TERT: variants seen among roughly 807,000 people sequenced by gnomAD.
TERT encodes telomerase reverse transcriptase, also known as telomerase catalytic subunit.
A neutral mutation model predicts 104.0 loss-of-function variants in TERT; 42 were observed. The observed-to-expected ratio is 0.40, with a 90% CI of 0.32 to 0.52. TERT has a LOEUF of 0.52. TERT is among the 20% of genes least tolerant of loss of function. The pLI, the probability that TERT is intolerant of heterozygous loss-of-function variation, is 0.43. For synonymous variants in TERT, 781 were observed against 725.6 expected, an observed-to-expected ratio of 1.08 and a Z score of -1.23; for missense variants, 1,101 against 1,610.3, an observed-to-expected ratio of 0.68 and a Z score of 5.41.
rs1449831852 is a variant in TERT at position 1,270,686 on chromosome 5, G to C, written c.2468+433C>G. Among the ~76,000 whole-genome samples the C allele has an allele frequency of 6.6e-6, 1 of 152,248 alleles. No individual in the cohort carries two copies. Among genetic ancestry groups the C allele is most frequent in the East Asian group, 1.9e-4 (1 of 5,196 alleles). On this transcript the variant is annotated intron_variant, in intron 8 of 15. Coordinates refer to ENST00000310581, the MANE Select transcript of TERT (RefSeq NM_198253.3). This position sits in a 1 kb window ranked among gnomAD's most constrained non-coding sequence, Gnocchi z 8.3. Reference sequence around the variant, plus strand: ...GCCCGCGCCCTCGCGGGGGTCACACGACAGGGACAGGAATGAGAATCGGAT... The same window carrying C: ...GCCCGCGCCCTCGCGGGGGTCACACCACAGGGACAGGAATGAGAATCGGAT...
intron 14 of TERT, 134 bp from the exon 15 acceptor site, chr5:1,254,639 A>C: frequency 1.0e-6 from 1 of 965,818 alleles, no homozygotes; most frequent in South Asian, 1.7e-5. Context: ...GCACCGCAGG[A>C]GTCACGACAG....
In TERT at chr5:1,255,502, G is replaced by A. The variant is rs998291997; in HGVS notation, c.3033-91C>T. On this transcript the variant is annotated intron_variant, in intron 13 of 15. Coordinates refer to ENST00000310581, the MANE Select transcript of TERT (RefSeq NM_198253.3). This position sits in a 1 kb window ranked among gnomAD's most constrained non-coding sequence, Gnocchi z 6.9. Reference sequence around the variant, plus strand: ...CATGGGCCCACCGGTGCCTGTGTGCGTGCATGAATGCACATGCATGGGTTT... The same window carrying A: ...CATGGGCCCACCGGTGCCTGTGTGCATGCATGAATGCACATGCATGGGTTT... The A allele has an allele frequency of 8.0e-5, 120 of 1,491,010 alleles. No homozygotes were observed. Among genetic ancestry groups the A allele is most frequent in the South Asian group, 2.1e-4 (18 of 87,744 alleles). 92.4% of individuals were successfully genotyped at this position (1,491,010 alleles called of 1,614,324 possible). A position where few individuals can be genotyped will look rare whatever the true frequency, so the allele number is the denominator to read the frequency against.
chr5:1,283,440 G>A (rs1481031563), intron 2 of TERT, among the ~76,000 whole-genome samples: 2 of 135,168 alleles, frequency 1.5e-5, no homozygotes, highest in African/African-American at 2.8e-5. Context: ...TCCAGACACC[G>A]CACATCCAGC....
chr5:1,259,535 G>A, intron 12 of TERT, among the ~76,000 whole-genome samples: 1 of 127,618 alleles, frequency 7.8e-6, no homozygotes, highest in Non-Finnish European at 1.6e-5. Context: ...GAGAGAGGGA[G>A]CAGACGCAGA....
chr5:1,285,565 A>ATTTTTTTTTT lies in TERT; in HGVS notation c.1574-2951_1574-2942dup, dbSNP rs1170336173. Among the ~76,000 whole-genome samples, 123 of 82,206 alleles carry ATTTTTTTTTT rather than the reference A, an allele frequency of 1.5e-3. 9 individuals carry two copies. Among genetic ancestry groups the ATTTTTTTTTT allele is most frequent in the Non-Finnish European group, 2.0e-3 (91 of 46,030 alleles). The allele number at this position is 82,206 out of a possible 152,430, so 53.9% of individuals were successfully genotyped here. On this transcript the variant is annotated intron_variant, in intron 2 of 15. Coordinates refer to ENST00000310581, the MANE Select transcript of TERT (RefSeq NM_198253.3). ...TTACTTTTTTAATGTGGCTACTAGA[A>ATTTTTTTTTT]TTTTTTTTTTTTTTTTTTTTTTTGA... is the stretch of plus-strand genomic sequence containing the variant.
chr5:1,280,300 T>G lies in TERT; in HGVS notation c.1808A>C (p.Glu603Ala). The change falls in exon 4 of 16, where the codon GAA (glutamate) becomes GCA (alanine). Residue 603 changes from glutamate to alanine, a missense_variant. Physicochemically the swap from Glu to Ala is moderately radical, Grantham distance 107 (BLOSUM62 -1). This residue lies in a region of TERT where 463 missense variants were observed against 797.5 expected (regional missense o/e 0.58). Transcript: ENST00000310581. ...LKRVQLRELS[E>A]AEVRQHREAR... ...TTCCCGATGCTGCCTGACCTCTGCT[T>G]CCGACAGCTCCCGCAGCTGCACCCT... 1 of 1,613,526 alleles carries G rather than the reference T, an allele frequency of 6.2e-7. No individual in the cohort carries two copies. The highest frequency in any genetic ancestry group is 8.5e-7 in the Non-Finnish European group (1 of 1,180,002).
In TERT at chr5:1,256,475, C is replaced by T. The variant is rs920654453; in HGVS notation, c.3033-1064G>A. 1.4e-5 allele frequency among the ~76,000 whole-genome samples: 2 copies of T among 144,036 alleles called. No homozygotes were observed. Among genetic ancestry groups the T allele is most frequent in the Non-Finnish European group, 1.5e-5 (1 of 66,742 alleles). 94.5% of individuals were successfully genotyped at this position (144,036 alleles called of 152,430 possible). On this transcript the variant is annotated intron_variant, in intron 13 of 15. Coordinates refer to ENST00000310581, the MANE Select transcript of TERT (RefSeq NM_198253.3). The surrounding 1 kb of genome is among the most constrained non-coding windows in gnomAD (Gnocchi z 7.0). ...ACCCTCTGCCTGAGCCCCCCGTGTA[C>T]CTCATCTCACCCAGTGCCTGAGCCC...
At position 1,294,626 on chromosome 5, in the gene TERT, C is replaced by T. The variant is rs776383511; in HGVS notation, c.260G>A (p.Arg87Lys). The T allele has an allele frequency of 3.1e-6, 5 of 1,596,186 alleles. No individual in the cohort carries two copies. The highest frequency in any genetic ancestry group is 2.7e-5 in the African/African-American group (2 of 74,830). ...LKELVARVLQRLCERGAKNVL... is the reference protein window; with the variant it reads ...LKELVARVLQKLCERGAKNVL... ...GTTCTTCGCGCCGCGCTCGCACAGC[C>T]TCTGCAGCACTCGGGCCACCAGCTC... is the stretch of plus-strand genomic sequence containing the variant. Residue 87 changes from arginine (R) to lysine (K), a missense_variant, in exon 2 of 16, where the codon AGG becomes AAG. Arg to Lys is a conservative substitution (Grantham distance 26). Around this residue, in one of 5 missense-constraint regions of TERT, gnomAD observed 87 missense variants for 145.4 expected, o/e 0.60. Coordinates refer to ENST00000310581, the MANE Select transcript of TERT (RefSeq NM_198253.3).
chr5:1,293,563 C>A lies in TERT; in HGVS notation c.1323G>T (p.Glu441Asp), dbSNP rs1213914911. 4 of 1,537,520 alleles carry A rather than the reference C, an allele frequency of 2.6e-6. No homozygotes were observed. The African/African-American group carries it at 5.5e-5, about 21-fold the overall frequency. Residue 441 changes from glutamate (E) to aspartate (D), a missense_variant, in exon 2 of 16, where the codon GAG becomes GAT. Physicochemically the swap from Glu to Asp is conservative, Grantham distance 45. Transcript: ENST00000310581. ...PQGSVAAPEEEDTDPRRLVQL... is the reference protein window; with the variant it reads ...PQGSVAAPEEDDTDPRRLVQL... ...GCACCAGGCGACGGGGGTCTGTGTC[C>A]TCCTCCTCGGGGGCCGCCACAGAGC...
chr5:1,285,943 G>C (rs1478433797), intron 2 of TERT, among the ~76,000 whole-genome samples: 5 of 152,018 alleles, frequency 3.3e-5, no homozygotes, highest in African/African-American at 1.2e-4. Flanking sequence ...CTCATCCTTT[G>C]TCCTGGTTCC....
In TERT at chr5:1,288,505, C is replaced by T. The variant is rs1207464346; in HGVS notation, c.1573+4808G>A. Among the ~76,000 whole-genome samples the T allele has an allele frequency of 6.6e-6, 1 of 152,078 alleles. No homozygotes were observed. The highest frequency in any genetic ancestry group is 6.6e-5 in the Admixed American group (1 of 15,266). On this transcript the variant is annotated intron_variant, in intron 2 of 15. Transcript: ENST00000310581. The surrounding 1 kb of genome is among the most constrained non-coding windows in gnomAD (Gnocchi z 5.3). ...AGAGACACTCCAACCTGTGGCTGGA[C>T]GTCAATCCATGTGAGGGGGCGACTG...
rs2126692522 is a variant in TERT, at chr5:1,294,924, C to T, written c.66G>A (p.Leu22=). 1 of 1,424,828 alleles carries T rather than the reference C, an allele frequency of 7.0e-7. No homozygotes were observed. The highest frequency in any genetic ancestry group is 9.1e-7 in the Non-Finnish European group (1 of 1,093,150). The allele number at this position is 1,424,828 out of a possible 1,614,324, so 88.3% of individuals were successfully genotyped here. A position where few individuals can be genotyped will look rare whatever the true frequency, so the allele number is the denominator to read the frequency against. Residue 22 remains leucine, a synonymous_variant, in exon 1 of 16, where the codon CTG becomes CTA. Coordinates refer to ENST00000310581, the MANE Select transcript of TERT (RefSeq NM_198253.3). ...SLLRSHYREV[L]PLATFVRRLG... ...GGCGCCGCACGAACGTGGCCAGCGG[C>T]AGCACCTCGCGGTAGTGGCTGCGCA...
intron 3 of TERT, among the ~76,000 whole-genome samples, chr5:1,281,525 T>C (rs1022462707): frequency 3.3e-5 from 5 of 152,148 alleles, no homozygotes; most frequent in Admixed American, 2.0e-4. Flanking sequence ...CAGGCTGGCA[T>C]CTCCCAGACC....
chr5:1,270,544 G>A lies in TERT; in HGVS notation c.2468+575C>T, dbSNP rs951036586. Among the ~76,000 whole-genome samples, 9 of 152,234 alleles carry A rather than the reference G, an allele frequency of 5.9e-5. No homozygotes were observed. Among genetic ancestry groups the A allele is most frequent in the African/African-American group, 2.2e-4 (9 of 41,466 alleles). ...TGAGTGTGGCTCACCCAGTGGCTGT[G>A]TGACGGCAGCTCTCCCAGGCCGCCT... On this transcript the variant is annotated intron_variant, in intron 8 of 15. Transcript: ENST00000310581. The surrounding 1 kb of genome is among the most constrained non-coding windows in gnomAD (Gnocchi z 8.3).
Position 1,257,438 on chromosome 5 carries a change from C to G in TERT, c.3032+1160G>C, listed in dbSNP as rs1219393880. Among the ~76,000 whole-genome samples the G allele has an allele frequency of 6.6e-6, 1 of 152,162 alleles. No individual in the cohort carries two copies. The highest frequency in any genetic ancestry group is 1.9e-4 in the East Asian group (1 of 5,180). ...AGTGGCACCTGTATCCAGCACACCCCAAGGGTTTCCGGAAAGGAGTCAAGC... is the reference window on the plus strand; with the variant it reads ...AGTGGCACCTGTATCCAGCACACCCGAAGGGTTTCCGGAAAGGAGTCAAGC... On this transcript the variant is annotated intron_variant, in intron 13 of 15. Transcript: ENST00000310581. This position sits in a 1 kb window ranked among gnomAD's most constrained non-coding sequence, Gnocchi z 5.6.
chr5:1,291,673 G>A (rs1311886297), intron 2 of TERT, among the ~76,000 whole-genome samples: 7 of 147,128 alleles, frequency 4.8e-5, no homozygotes, highest in African/African-American at 1.0e-4. Flanking sequence ...CACGGGACAG[G>A]GACACCCGGG....
At chr5:1,279,808 G>A (rs552619342) in intron 4 of TERT, among the ~76,000 whole-genome samples, 6 of 152,304 alleles carry the variant, frequency 3.9e-5, no homozygotes, top group South Asian at 4.1e-4. Flanking sequence ...CCTGGCAGTC[G>A]TGGCCTGGTC....
At position 1,263,986 on chromosome 5, in the gene TERT, C is replaced by T. The variant is rs1198439333; in HGVS notation, c.2843+418G>A. On this transcript the variant is annotated intron_variant, in intron 11 of 15. Transcript: ENST00000310581. The surrounding 1 kb of genome is among the most constrained non-coding windows in gnomAD (Gnocchi z 5.3). Reference sequence around the variant, plus strand: ...CTCACGCCCAAAAGGGCCCTGAAGTCTCTGGGTTCGGAGAGACTCACGCCC... The same window carrying T: ...CTCACGCCCAAAAGGGCCCTGAAGTTTCTGGGTTCGGAGAGACTCACGCCC... Among the ~76,000 whole-genome samples the T allele has an allele frequency of 6.6e-6, 1 of 151,904 alleles. No individual in the cohort carries two copies. The highest frequency in any genetic ancestry group is 1.5e-5 in the Non-Finnish European group (1 of 68,012).
intron 6 of TERT, among the ~76,000 whole-genome samples, chr5:1,272,735 G>GATCA (rs1749177999): frequency 2.1e-5 from 1 of 48,326 alleles, no homozygotes; most frequent in African/African-American, 6.2e-5. Flanking sequence ...CCCCACGACC[G>GATCA]CCATCCACAG....
Sources: allele counts gnomAD v4.1 joint callset (sites outside exome capture counted in the v4.1 genomes callset), GRCh38; gene constraint gnomAD v4.1.1; regional missense constraint gnomAD v4.1.1; non-coding constraint Gnocchi (gnomAD v3.1); transcripts MANE v1.5; gene names NCBI Gene and HGNC (gene_info 2026-07-23, HGNC 2026-07-21).